The following RIMS2 variants were observed in gnomAD, a reference collection of about 807,000 sequenced individuals.
The protein encoded by RIMS2 is regulating synaptic membrane exocytosis 2.
A neutral mutation model predicts 174.4 loss-of-function variants in RIMS2; 59 were observed. The ratio of observed to expected loss-of-function variants is 0.34; its 90% CI spans 0.27 to 0.42. The LOEUF is 0.42. RIMS2 is among the 10% of genes least tolerant of loss of function. RIMS2 has a pLI of 1.00. For synonymous variants in RIMS2, 606 were observed against 572.5 expected (o/e 1.06, Z -0.84); for missense variants, 1,620 against 1,666.3 (o/e 0.97, Z 0.48).
chr8:104,222,118 T>C (rs1235796972), intron 19 of RIMS2, among the ~76,000 whole-genome samples: 5 of 152,360 alleles, frequency 3.3e-5, no homozygotes, highest in Admixed American at 1.3e-4. Context: ...TCTTTTTGAA[T>C]TGCAGTGTCC....
At chr8:104,019,976 T>C (rs921249392) in intron 19 of RIMS2, among the ~76,000 whole-genome samples, 73 of 152,254 alleles carry the variant, frequency 4.8e-4, no homozygotes, top group African/African-American at 1.7e-3. Flanking sequence ...AAGAAGCCCA[T>C]GTGCTAAACC....
chr8:104,137,603 G>C (rs565509732), intron 19 of RIMS2, among the ~76,000 whole-genome samples: 67 of 152,142 alleles, frequency 4.4e-4, no homozygotes, highest in African/African-American at 1.5e-3. Context: ...ATAGCAGAAA[G>C]GTATATAATC....
intron 19 of RIMS2, among the ~76,000 whole-genome samples, chr8:104,168,529 T>C (rs888421715): frequency 6.6e-6 from 1 of 152,170 alleles, no homozygotes; most frequent in African/African-American, 2.4e-5. Context: ...CCTGAGACTT[T>C]CTTGAATTTG....
chr8:104,217,865 G>A (rs777002200), intron 19 of RIMS2, among the ~76,000 whole-genome samples: 8 of 152,030 alleles, frequency 5.3e-5, no homozygotes, highest in South Asian at 2.1e-4. Context: ...TGGATTTATC[G>A]CTCATGACTT....
chr8:103,587,411 A>AGAAT (rs1187913940), intron 1 of RIMS2, among the ~76,000 whole-genome samples: 4 of 36,988 alleles, frequency 1.1e-4, no homozygotes, highest in Non-Finnish European at 2.5e-4. Flanking sequence ...AGAAAAAAGA[A>AGAAT]GAAAGAAAGA....
intron 19 of RIMS2, chr8:104,223,877 TC>T: frequency 8.8e-7 from 1 of 1,137,928 alleles, no homozygotes; most frequent in Non-Finnish European, 1.3e-6. Flanking sequence ...CAGAGAGAAC[TC>T]CACGTAGCAG....
In RIMS2 at chr8:104,082,236, TAAAG is replaced by T. The variant is rs1225889670; in HGVS notation, c.3334+67622_3334+67625del. 1.9e-3 allele frequency among the ~76,000 whole-genome samples: 283 copies of T among 151,542 alleles called. 3 individuals are homozygous for T. The highest frequency in any genetic ancestry group is 1.3e-4 in the Non-Finnish European group (9 of 67,756). ...GAAAAAAGAAAAGGAAAAAGAGAAT[TAAAG>T]GAAGGAGAGAGGGAAAGAATGGAGG... is the stretch of plus-strand genomic sequence containing the variant. On this transcript the variant is annotated intron_variant, in intron 19 of 23. Coordinates refer to ENST00000504942, the Ensembl canonical transcript of RIMS2.
At chr8:104,055,726 AT>A (rs1245904331) in intron 19 of RIMS2, among the ~76,000 whole-genome samples, 1 of 152,240 alleles carries the variant, frequency 6.6e-6, no homozygotes, top group Non-Finnish European at 1.5e-5. Flanking sequence ...AAAGAAATGT[AT>A]ATAGTGAAGC....
At position 104,112,700 on chromosome 8, in the gene RIMS2, T is replaced by G. The variant is rs192157920; in HGVS notation, c.3334+98085T>G. 2.8e-3 allele frequency among the ~76,000 whole-genome samples: 429 copies of G among 152,288 alleles called. 3 individuals carry two copies. The highest frequency in any genetic ancestry group is 9.3e-3 in the African/African-American group (388 of 41,560). Reference sequence around the variant, plus strand: ...GCATGCTTCTTTCAGAGAACAATATTTAGGGCATACTGAAATTTTAGGTTC... The same window carrying G: ...GCATGCTTCTTTCAGAGAACAATATGTAGGGCATACTGAAATTTTAGGTTC... On this transcript the variant is annotated intron_variant, in intron 19 of 23. Transcript: ENST00000504942.
rs561831093 is a variant in RIMS2, at chr8:103,718,157, G to T, written c.387+20861G>T. Among the ~76,000 whole-genome samples the T allele has an allele frequency of 2.6e-5, 4 of 152,102 alleles. No individual in the cohort carries two copies. In the East Asian group the frequency reaches 7.7e-4, roughly 29 times the overall value. Reference sequence around the variant, plus strand: ...CCCAATCGTATCTAATGCCAAGGAGGATAATAGGCAAGGGACATCCTGCCA... The same window carrying T: ...CCCAATCGTATCTAATGCCAAGGAGTATAATAGGCAAGGGACATCCTGCCA... On this transcript the variant is annotated intron_variant, in intron 2 of 23. Transcript: ENST00000504942.
intron 1 of RIMS2, 89 bp downstream of exon 2, chr8:103,652,326 A>G (rs960334790): frequency 1.3e-5 from 9 of 714,636 alleles, no homozygotes; most frequent in African/African-American, 7.3e-5. Flanking sequence ...CTAATACTGG[A>G]TAGGCTGCAG....
Position 103,645,832 on chromosome 8 carries a change from A to T in RIMS2, c.177-51254A>T, listed in dbSNP as rs1016772286. ...AATTTAATTTTAATAAAGGAATATT[A>T]AAAAAATGAATAATATTAATTTCAT... On this transcript the variant is annotated intron_variant, in intron 1 of 23. Coordinates refer to ENST00000504942, the Ensembl canonical transcript of RIMS2. Among the ~76,000 whole-genome samples the T allele has an allele frequency of 5.3e-5, 8 of 152,274 alleles. No individual in the cohort carries two copies. In the East Asian group the frequency reaches 1.5e-3, roughly 29 times the overall value.
At chr8:103,917,330 T>A (rs1413970121) in intron 8 of RIMS2, among the ~76,000 whole-genome samples, 2 of 152,182 alleles carry the variant, frequency 1.3e-5, no homozygotes. Context: ...ATCTCTTTTT[T>A]AAAAATGCTG....
chr8:103,542,554 A>G (rs759356558), intron 1 of RIMS2, among the ~76,000 whole-genome samples: 2 of 152,194 alleles, frequency 1.3e-5, no homozygotes, highest in Non-Finnish European at 2.9e-5. Context: ...ATTTCTTAAA[A>G]TTTTTAATTA....
chr8:103,897,755 T>G (rs1042751463), intron 4 of RIMS2, among the ~76,000 whole-genome samples: 5 of 151,632 alleles, frequency 3.3e-5, no homozygotes, highest in Non-Finnish European at 5.9e-5. Context: ...CCAGAACAAG[T>G]GTGTACATTG....
chr8:104,251,786 A>T, exon 24 of RIMS2: 1 of 1,612,394 alleles, frequency 6.2e-7, no homozygotes, highest in Non-Finnish European at 8.5e-7. Context: ...TCATCTCTGG[A>T]AAGTTCAACT....
rs149254113 is a variant in RIMS2 at position 103,922,507 on chromosome 8, T to G, written c.2196+723T>G. Among the ~76,000 whole-genome samples the G allele has an allele frequency of 4.9e-3, 744 of 152,002 alleles. 4 individuals carry two copies. The highest frequency in any genetic ancestry group is 0.017 in the African/African-American group (725 of 41,546). On this transcript the variant is annotated intron_variant, in intron 10 of 23. Transcript: ENST00000504942. ...ATTTTAAAATAGTGAAATAATAAAT[T>G]TATTGTTATATATTAGAAAAATACA...
chr8:104,207,216 G>T (rs1051911123), intron 19 of RIMS2, among the ~76,000 whole-genome samples: 3 of 152,052 alleles, frequency 2.0e-5, no homozygotes, highest in African/African-American at 7.2e-5. Flanking sequence ...TTTCTGCTAC[G>T]CCCAGCCCAT....
chr8:103,918,601 G>A, intron 9 of RIMS2, 114 bp downstream of exon 12: 6 of 767,204 alleles, frequency 7.8e-6, no homozygotes, highest in East Asian at 2.5e-5. Context: ...TTGTTATCAA[G>A]TCTGTAAGCA....
Sources: allele counts gnomAD v4.1 joint callset (sites outside exome capture counted in the v4.1 genomes callset), GRCh38; gene constraint gnomAD v4.1.1; transcripts MANE v1.5; gene names NCBI Gene and HGNC (gene_info 2026-07-23, HGNC 2026-07-21).